Variants in FMN1 observed in about 807,000 individuals in gnomAD.
The protein encoded by FMN1 is formin-1.
Under a neutral mutation model 132.4 loss-of-function variants are expected in FMN1, and 110 were observed. The ratio of observed to expected loss-of-function variants is 0.83; its 90% CI spans 0.71 to 0.97. The LOEUF is 0.97. Ranked by LOEUF, FMN1 falls within the 50% of genes least tolerant of loss-of-function variation. The pLI is 0.00. For missense variants in FMN1, 1,792 were observed against 1,705.3 expected, an observed-to-expected ratio of 1.05 and a Z score of -0.90; for synonymous variants, 722 against 651.7, an observed-to-expected ratio of 1.11 and a Z score of -1.64.
chr15:32,974,309 A>G (rs995868198), intron 7 of FMN1, among the ~76,000 whole-genome samples: 5 of 152,310 alleles, frequency 3.3e-5, no homozygotes, highest in African/African-American at 1.2e-4. Flanking sequence ...ATATCTTTCC[A>G]GTCTTTAAGT....
At chr15:33,074,786 C>T (rs1051700667) in intron 5 of FMN1, among the ~76,000 whole-genome samples, 1 of 151,992 alleles carries the variant, frequency 6.6e-6, no homozygotes, top group African/African-American at 2.4e-5. Flanking sequence ...GAGGCTGAGG[C>T]AGGCGGATCA....
chr15:32,950,291 A>G (rs981972401), intron 9 of FMN1, among the ~76,000 whole-genome samples: 2 of 151,472 alleles, frequency 1.3e-5, no homozygotes, highest in Non-Finnish European at 2.9e-5. Flanking sequence ...TTCCTCAAAG[A>G]CCTACAGACA....
Position 32,785,204 on chromosome 15 carries a change from A to G in FMN1, c.4131-8285T>C, listed in dbSNP as rs866876024. ...TGTGTGTGTGTGTGTGTGTGTGTAT[A>G]TATATATATATATATTTTTTTTTTT... On this transcript the variant is annotated intron_variant, in intron 19 of 20. Coordinates refer to ENST00000616417, the MANE Select transcript of FMN1 (RefSeq NM_001277313.2). 2.2e-3 allele frequency among the ~76,000 whole-genome samples: 79 copies of G among 35,218 alleles called. 1 individual carries two copies. Among genetic ancestry groups the G allele is most frequent in the East Asian group, 0.019 (20 of 1,064 alleles). 23.1% of individuals were successfully genotyped at this position (35,218 alleles called of 152,430 possible).
Position 33,153,991 on chromosome 15 carries a change from T to A in FMN1, c.924A>T (p.Ala308=). The A allele has an allele frequency of 6.5e-7, 1 of 1,536,704 alleles. No individual in the cohort carries two copies. The highest frequency in any genetic ancestry group is 8.7e-7 in the Non-Finnish European group (1 of 1,147,044). Residue 308 remains alanine (A), a synonymous_variant, in exon 4 of 21, where the codon GCA becomes GCT. Coordinates refer to ENST00000616417, the MANE Select transcript of FMN1 (RefSeq NM_001277313.2). ...CCGGCTTCTCCATCTCATCCTTTTCTGCCTCTGGATGCTTCTCAGGGTCCT... is the reference window on the plus strand; with the variant it reads ...CCGGCTTCTCCATCTCATCCTTTTCAGCCTCTGGATGCTTCTCAGGGTCCT... ...SHQDPEKHPE[A]EKDEMEKPAK...
In FMN1 at chr15:33,154,441, C is replaced by A. The variant is rs866790633; in HGVS notation, c.474G>T (p.Lys158Asn). 8 of 1,536,016 alleles carry A rather than the reference C, an allele frequency of 5.2e-6. No individual in the cohort carries two copies. The African/African-American group carries it at 6.8e-5, about 13-fold the overall frequency. ...LNKRSTHGNK[K>N]PRRSSGRRES... ...CTCTCCTTCCACTAGACCTCCGAGG[C>A]TTTTTGTTCCCGTGGGTGCTCCTCT... Residue 158 changes from lysine (K) to asparagine (N), a missense_variant, in exon 4 of 21, where the codon AAG becomes AAT. Lys to Asn is a moderately conservative substitution (Grantham distance 94). Around this residue, in one of 3 missense-constraint regions of FMN1, gnomAD observed 638 missense variants for 645.2 expected, o/e 0.99. Coordinates refer to ENST00000616417, the MANE Select transcript of FMN1 (RefSeq NM_001277313.2).
chr15:32,963,465 TG>T (rs1311847754), intron 9 of FMN1, among the ~76,000 whole-genome samples: 1 of 151,824 alleles, frequency 6.6e-6, no homozygotes, highest in East Asian at 1.9e-4. Flanking sequence ...CTGCACATTG[TG>T]CACATGTACC....
At chr15:32,931,497 T>G (rs2061116860) in intron 9 of FMN1, among the ~76,000 whole-genome samples, 2 of 152,228 alleles carry the variant, frequency 1.3e-5, no homozygotes, top group Admixed American at 6.5e-5. Context: ...TTCCAGGTAG[T>G]TAATATTTTT....
At chr15:33,025,724 T>C (rs935964943) in intron 6 of FMN1, among the ~76,000 whole-genome samples, 2 of 152,150 alleles carry the variant, frequency 1.3e-5, no homozygotes, top group African/African-American at 4.8e-5. Flanking sequence ...ACCTATTGTA[T>C]CTCAAAATCT....
At chr15:32,783,485 G>A (rs1195836808) in intron 19 of FMN1, among the ~76,000 whole-genome samples, 3 of 152,150 alleles carry the variant, frequency 2.0e-5, no homozygotes, top group East Asian at 3.9e-4. Context: ...GGTGGCTCAC[G>A]CCTGTAATCC....
chr15:33,026,439 C>CACACACACACACACACA (rs201115791), intron 6 of FMN1, among the ~76,000 whole-genome samples: 3 of 151,710 alleles, frequency 2.0e-5, no homozygotes, highest in South Asian at 2.1e-4. Flanking sequence ...CACACACACA[C>CACACACACACACACACA]TTCTGTTTAT....
chr15:32,831,136 G>C (rs2058490755), intron 17 of FMN1, among the ~76,000 whole-genome samples: 1 of 152,074 alleles, frequency 6.6e-6, no homozygotes, highest in Non-Finnish European at 1.5e-5. Flanking sequence ...CTTTCCTCAA[G>C]GGTTTTTTTA....
chr15:33,104,870 T>C (rs1233827636), intron 4 of FMN1, among the ~76,000 whole-genome samples: 1 of 152,162 alleles, frequency 6.6e-6, no homozygotes, highest in Non-Finnish European at 1.5e-5. Context: ...AAAACAATGC[T>C]AATTTCAGTC....
intron 17 of FMN1, among the ~76,000 whole-genome samples, chr15:32,834,723 ATC>A (rs1220444827): frequency 6.6e-6 from 1 of 152,218 alleles, no homozygotes; most frequent in Admixed American, 6.5e-5. Context: ...AATAAAGGTA[ATC>A]TAGGTAGTAC....
At chr15:32,799,663 G>T (rs182844666) in intron 18 of FMN1, among the ~76,000 whole-genome samples, 11 of 152,318 alleles carry the variant, frequency 7.2e-5, no homozygotes, top group Middle Eastern at 6.8e-3. Flanking sequence ...GGTCAGTAAA[G>T]AATCCCAATT....
Position 33,154,034 on chromosome 15 carries a change from C to A in FMN1, c.881G>T (p.Gly294Val). 1 of 1,536,290 alleles carries A rather than the reference C, an allele frequency of 6.5e-7. No individual in the cohort carries two copies. Among genetic ancestry groups the A allele is most frequent in the South Asian group, 1.2e-5 (1 of 84,054 alleles). The change falls in exon 4 of 21, where the codon GGT (glycine) becomes GTT (valine). Residue 294 changes from glycine (G) to valine (V), a missense_variant. Gly to Val is a moderately radical substitution (Grantham distance 109, BLOSUM62 -3). This residue lies in a region of FMN1 where 638 missense variants were observed against 645.2 expected (regional missense o/e 0.99). Transcript: ENST00000616417. ...AGGGTCCTGGTGACTTTCAGACAAA[C>A]CTGTTTGCTGATGCTCCAGCCCGCT... ...PPSGLEHQQT[G>V]LSESHQDPEK...
intron 10 of FMN1, among the ~76,000 whole-genome samples, chr15:32,917,515 T>C (rs1463650191): frequency 1.3e-5 from 2 of 152,216 alleles, no homozygotes; most frequent in Non-Finnish European, 2.9e-5. Flanking sequence ...ATAGAATTTA[T>C]TGGCAGCTTC....
intron 16 of FMN1, among the ~76,000 whole-genome samples, chr15:32,870,982 A>G (rs2059502163): frequency 6.6e-6 from 1 of 152,168 alleles, no homozygotes; most frequent in Non-Finnish European, 1.5e-5. Context: ...GGGGATTTCA[A>G]AAACAATAGG....
intron 4 of FMN1, among the ~76,000 whole-genome samples, chr15:33,125,346 AT>A (rs1962952666): frequency 6.6e-6 from 1 of 152,244 alleles, no homozygotes; most frequent in South Asian, 2.1e-4. Flanking sequence ...ATTTAGGAAA[AT>A]AGTTTCCTTT....
chr15:32,946,629 C>G (rs575522930), intron 9 of FMN1, among the ~76,000 whole-genome samples: 1 of 152,204 alleles, frequency 6.6e-6, no homozygotes, highest in African/African-American at 2.4e-5. Flanking sequence ...AATTATGAGA[C>G]CTAATGATTT....
Sources: allele counts gnomAD v4.1 joint callset (sites outside exome capture counted in the v4.1 genomes callset), GRCh38; gene constraint gnomAD v4.1.1; regional missense constraint gnomAD v4.1.1; transcripts MANE v1.5; gene names NCBI Gene and HGNC (gene_info 2026-07-23, HGNC 2026-07-21).